SLMAP: variants seen among roughly 807,000 people sequenced by gnomAD.
SLMAP encodes the protein sarcolemmal membrane-associated protein.
Under a neutral mutation model 128.8 loss-of-function variants are expected in SLMAP, and 44 were observed. The observed-to-expected ratio is 0.34, with a 90% CI of 0.27 to 0.44. SLMAP has a LOEUF of 0.44. Among genes scored for constraint, SLMAP ranks in the 20% least tolerant of loss-of-function variants. The pLI is 1.00. For synonymous variants in SLMAP, 327 were observed against 348.8 expected (o/e 0.94, Z 0.70); for missense variants, 787 against 985.3 (o/e 0.80, Z 2.69).
At chr3:57,858,750 C>G (rs1488484574) in intron 8 of SLMAP, among the ~76,000 whole-genome samples, 1 of 151,990 alleles carries the variant, frequency 6.6e-6, no homozygotes, top group Non-Finnish European at 1.5e-5. Flanking sequence ...CAAGACCAGT[C>G]CAACCGACAT....
chr3:57,831,166 G>A (rs1219039515), intron 2 of SLMAP, among the ~76,000 whole-genome samples: 2 of 152,100 alleles, frequency 1.3e-5, no homozygotes, highest in Non-Finnish European at 2.9e-5. Context: ...CAAAGAGGTT[G>A]TACCGTTTTA....
At chr3:57,885,456 G>A (rs1220241608) in intron 14 of SLMAP, among the ~76,000 whole-genome samples, 2 of 136,344 alleles carry the variant, frequency 1.5e-5, no homozygotes. Context: ...GTCTTGTTCT[G>A]TCGCCCAGGC....
At chr3:57,880,296 G>C (rs981441310) in intron 14 of SLMAP, among the ~76,000 whole-genome samples, 1 of 151,916 alleles carries the variant, frequency 6.6e-6, no homozygotes, top group African/African-American at 2.4e-5. Context: ...CCGCCTCCCG[G>C]GTTCAAGTGA....
At chr3:57,868,418 G>GA (rs200711211) in intron 13 of SLMAP, among the ~76,000 whole-genome samples, 6 of 148,708 alleles carry the variant, frequency 4.0e-5, no homozygotes, top group East Asian at 2.0e-4. Context: ...TCTCTAAAAA[G>GA]AAAAAAAAAA....
chr3:57,786,979 G>A (rs920877083), intron 2 of SLMAP, among the ~76,000 whole-genome samples: 19 of 151,902 alleles, frequency 1.3e-4, no homozygotes, highest in Admixed American at 7.2e-4. Context: ...CTTGTGATCC[G>A]CCCGCCTCGG....
intron 15 of SLMAP, among the ~76,000 whole-genome samples, chr3:57,895,356 G>C (rs1477318541): frequency 2.0e-5 from 3 of 151,708 alleles, no homozygotes; most frequent in Non-Finnish European, 2.9e-5. Context: ...TTTATTTTGA[G>C]ACAGAGTCTT....
At chr3:57,897,955 G>A (rs554356853) in intron 17 of SLMAP, 1 of 152,148 alleles carries the variant, frequency 6.6e-6, no homozygotes, top group Non-Finnish European at 1.5e-5. Flanking sequence ...GACATATGTT[G>A]TAAGTTCAGC....
At chr3:57,857,865 C>CTATGTTTAAATGTTTCTTAAAT in intron 7 of SLMAP, 37 bp downstream of exon 7, 1 of 1,381,952 alleles carries the variant, frequency 7.2e-7, no homozygotes, top group Non-Finnish European at 1.0e-6. Context: ...AACATTTAAA[C>CTATGTTTAAATGTTTCTTAAAT]ATAGTTTAAT....
intron 14 of SLMAP, among the ~76,000 whole-genome samples, chr3:57,876,824 A>G (rs1298899921): frequency 1.3e-5 from 2 of 152,232 alleles, no homozygotes; most frequent in Admixed American, 6.5e-5. Context: ...CTTGGTGGGC[A>G]TAGAGTGAGA....
chr3:57,779,407 G>A (rs1318635999), intron 2 of SLMAP, among the ~76,000 whole-genome samples: 2 of 151,528 alleles, frequency 1.3e-5, no homozygotes, highest in African/African-American at 2.4e-5. Flanking sequence ...TACTCAGGAG[G>A]CTGAGGTGGG....
At chr3:57,872,216 C>T (rs1357557059) in intron 14 of SLMAP, among the ~76,000 whole-genome samples, 1 of 151,984 alleles carries the variant, frequency 6.6e-6, no homozygotes, top group African/African-American at 2.4e-5. Flanking sequence ...GTGGGAGAAT[C>T]GCTTGAACCT....
At chr3:57,761,780 G>T (rs1337311432) in intron 2 of SLMAP, among the ~76,000 whole-genome samples, 1 of 151,498 alleles carries the variant, frequency 6.6e-6, no homozygotes, top group African/African-American at 2.4e-5. Flanking sequence ...GGGCGCGGTG[G>T]CTCACGCCTG....
chr3:57,838,404 T>C (rs1156365321), intron 3 of SLMAP, among the ~76,000 whole-genome samples: 2 of 152,210 alleles, frequency 1.3e-5, no homozygotes, highest in African/African-American at 4.8e-5. Flanking sequence ...GAAACATCTT[T>C]GCACAGGAGT....
intron 2 of SLMAP, among the ~76,000 whole-genome samples, chr3:57,822,014 CTG>C (rs2092567286): frequency 6.6e-6 from 1 of 152,086 alleles, no homozygotes; most frequent in African/African-American, 2.4e-5. Flanking sequence ...TTATGCCTAA[CTG>C]TATTTCCCAC....
Position 57,925,623 on chromosome 3 carries a change from T to C in SLMAP, c.2446-222T>C, listed in dbSNP as rs921077308. 3.9e-5 allele frequency among the ~76,000 whole-genome samples: 6 copies of C among 152,148 alleles called. No individual in the cohort carries two copies. In the East Asian group the frequency reaches 1.2e-3, roughly 29 times the overall value. On this transcript the variant is annotated intron_variant, in intron 23 of 24. Transcript: ENST00000671191. ...GATTACAGGCATTGAGCCTAACGGT[T>C]CCTAGCTATTCCTTTTAAACTGATA...
At chr3:57,927,016 A>G (rs2097021840) in intron 24 of SLMAP, among the ~76,000 whole-genome samples, 1 of 152,210 alleles carries the variant, frequency 6.6e-6, no homozygotes, top group Admixed American at 6.5e-5. Flanking sequence ...AAATTTTCTT[A>G]GAAGTCACTA....
At chr3:57,773,827 A>G (rs1011888596) in intron 2 of SLMAP, among the ~76,000 whole-genome samples, 2 of 152,192 alleles carry the variant, frequency 1.3e-5, no homozygotes, top group African/African-American at 4.8e-5. Flanking sequence ...GTATTGGAAA[A>G]TAGGATGTTT....
chr3:57,887,150 T>G (rs2095911851), intron 14 of SLMAP, among the ~76,000 whole-genome samples: 1 of 151,962 alleles, frequency 6.6e-6, no homozygotes, highest in Non-Finnish European at 1.5e-5. Flanking sequence ...AAAGAGAAGA[T>G]TCCGAAACCT....
intron 2 of SLMAP, among the ~76,000 whole-genome samples, chr3:57,767,918 G>A (rs1344479288): frequency 6.6e-6 from 1 of 152,194 alleles, no homozygotes; most frequent in Admixed American, 6.5e-5. Context: ...GTCATATTAC[G>A]GACTTTCAAA....
Sources: allele counts gnomAD v4.1 joint callset (sites outside exome capture counted in the v4.1 genomes callset), GRCh38; gene constraint gnomAD v4.1.1; transcripts MANE v1.5; gene names NCBI Gene and HGNC (gene_info 2026-07-23, HGNC 2026-07-21).